The following WWTR1 variants were observed in gnomAD, a reference collection of about 807,000 sequenced individuals.
WWTR1 encodes the protein WW domain-containing transcription regulator protein 1.
WWTR1 carries 13 observed loss-of-function variants against 40.1 expected under a neutral mutation model. That is an observed-to-expected ratio of 0.32 (90% CI 0.21 to 0.52). The LOEUF is 0.52. Among genes scored for constraint, WWTR1 ranks in the 20% least tolerant of loss-of-function variants. The pLI is 0.97. For missense variants in WWTR1, 436 were observed against 523.1 expected, an observed-to-expected ratio of 0.83 and a Z score of 1.63; for synonymous variants, 230 against 210.1, an observed-to-expected ratio of 1.09 and a Z score of -0.82.
intron 1 of WWTR1, among the ~76,000 whole-genome samples, chr3:149,682,601 A>G (rs1714495682): frequency 6.6e-6 from 1 of 152,202 alleles, no homozygotes. Context: ...TCAACATACA[A>G]TATCGAATAG....
At chr3:149,542,974 C>G (rs1330348984) in intron 3 of WWTR1, among the ~76,000 whole-genome samples, 1 of 152,128 alleles carries the variant, frequency 6.6e-6, no homozygotes, top group Non-Finnish European at 1.5e-5. Context: ...ATCTTTGGTA[C>G]ACAAACCAGT....
chr3:149,524,418 A>T (rs1303607543), intron 6 of WWTR1, among the ~76,000 whole-genome samples: 1 of 146,016 alleles, frequency 6.8e-6, no homozygotes, highest in Non-Finnish European at 1.5e-5. Context: ...CTGGCTTCCC[A>T]GTGTTTAGAA....
chr3:149,668,588 A>G (rs1191439409), intron 2 of WWTR1, among the ~76,000 whole-genome samples: 3 of 111,948 alleles, frequency 2.7e-5, no homozygotes, highest in Non-Finnish European at 5.7e-5. Context: ...AGGCAGGGCA[A>G]CAGAGCAAGA....
chr3:149,657,522 T>G, intron 1 of WWTR1: 1 of 592,498 alleles, frequency 1.7e-6, no homozygotes, highest in Non-Finnish European at 2.9e-6. Flanking sequence ...TTATGCAACT[T>G]TCTTGAAGCA....
At chr3:149,635,519 G>C (rs1239996926) in intron 2 of WWTR1, among the ~76,000 whole-genome samples, 1 of 150,018 alleles carries the variant, frequency 6.7e-6, no homozygotes, top group Non-Finnish European at 1.5e-5. Flanking sequence ...GAAGAAGGAG[G>C]AGAAGGAGAA....
At chr3:149,576,747 G>A (rs1438795783) in intron 2 of WWTR1, among the ~76,000 whole-genome samples, 1 of 151,644 alleles carries the variant, frequency 6.6e-6, no homozygotes, top group Non-Finnish European at 1.5e-5. Context: ...CAGGCTCACT[G>A]GTAATTTTTT....
At position 149,518,399 on chromosome 3, in the gene WWTR1, T is replaced by A. The variant is rs1447105312; in HGVS notation, c.*2406A>T. The A allele has an allele frequency of 2.0e-5, 3 of 152,094 alleles. No homozygotes were observed. The highest frequency in any genetic ancestry group is 4.4e-5 in the Non-Finnish European group (3 of 68,004). The allele number at this position is 152,094 out of a possible 1,614,324, so 9.4% of individuals were successfully genotyped here. A position where few individuals can be genotyped will look rare whatever the true frequency, so the allele number is the denominator to read the frequency against. ...GAAAATGAGTCTATAAAAATATTTT[T>A]TAAAAATACAGTAACACTGCTGAGT... On this transcript the variant is annotated 3_prime_UTR_variant, in exon 7 of 7. Transcript: ENST00000360632.
chr3:149,671,515 T>C (rs1191167255), intron 1 of WWTR1, among the ~76,000 whole-genome samples: 2 of 152,170 alleles, frequency 1.3e-5, no homozygotes, highest in African/African-American at 4.8e-5. Context: ...CTTCACAAAA[T>C]TTTCAGTTGA....
At chr3:149,663,008 A>G (rs1157979461), upstream of WWTR1, among the ~76,000 whole-genome samples, 2 of 152,064 alleles carry the variant, frequency 1.3e-5, no homozygotes, top group Non-Finnish European at 2.9e-5. Flanking sequence ...TTCCACATGT[A>G]ATCAAACATA....
intron 2 of WWTR1, among the ~76,000 whole-genome samples, chr3:149,617,136 C>T (rs1164941530): frequency 6.6e-6 from 1 of 152,196 alleles, no homozygotes; most frequent in Non-Finnish European, 1.5e-5. Context: ...CGCTTTGGAA[C>T]AGATAGCTGA....
intron 3 of WWTR1, among the ~76,000 whole-genome samples, chr3:149,544,428 A>G (rs1000579320): frequency 1.3e-5 from 2 of 152,214 alleles, no homozygotes; most frequent in Non-Finnish European, 2.9e-5. Context: ...TTGGAAAAAT[A>G]GCTCCTGCCT....
intron 2 of WWTR1, among the ~76,000 whole-genome samples, chr3:149,591,846 G>A (rs1486297993): frequency 6.6e-6 from 1 of 152,162 alleles, no homozygotes; most frequent in Non-Finnish European, 1.5e-5. Flanking sequence ...GCGGGAAAAT[G>A]TACAAATGTT....
rs757219121 is a variant in WWTR1, at chr3:149,527,844, G to A, written c.897C>T (p.Phe299=). The change falls in exon 5 of 7, where the codon TTC becomes TTT. Residue 299 remains phenylalanine (F), a synonymous_variant. Coordinates refer to ENST00000360632, the MANE Select transcript of WWTR1 (RefSeq NM_015472.6). ...RSITNNSSDP[F]LNGGPYHSRE... ...CCCAAATATTAACTTACCCATTGAG[G>A]AAAGGATCTGAGCTATTATTAGTGA... The A allele has an allele frequency of 1.2e-6, 2 of 1,614,036 alleles. No homozygotes were observed. The highest frequency in any genetic ancestry group is 1.7e-6 in the Non-Finnish European group (2 of 1,180,010).
intron 2 of WWTR1, among the ~76,000 whole-genome samples, chr3:149,589,415 G>A (rs561544218): frequency 1.3e-4 from 20 of 152,120 alleles, no homozygotes; most frequent in African/African-American, 4.8e-4. Context: ...TAACCCCCAC[G>A]TTAATCATAT....
At chr3:149,523,919 T>C (rs1227545066) in intron 6 of WWTR1, among the ~76,000 whole-genome samples, 2 of 152,202 alleles carry the variant, frequency 1.3e-5, no homozygotes, top group East Asian at 3.8e-4. Context: ...CCAGGTTAAC[T>C]TGGCACTCAC....
At chr3:149,524,605 T>C (rs1735206249) in intron 6 of WWTR1, among the ~76,000 whole-genome samples, 1 of 152,304 alleles carries the variant, frequency 6.6e-6, no homozygotes, top group South Asian at 2.1e-4. Context: ...CAGTGCAAAC[T>C]ATTCCTGTGT....
At chr3:149,561,130 G>T (rs1737061694) in intron 3 of WWTR1, among the ~76,000 whole-genome samples, 1 of 152,130 alleles carries the variant, frequency 6.6e-6, no homozygotes, top group South Asian at 2.1e-4. Context: ...ATGTATGTGT[G>T]TGCAAGAAAA....
At chr3:149,650,058 G>A (rs2108147010) in intron 2 of WWTR1, 1 of 152,234 alleles carries the variant, frequency 6.6e-6, no homozygotes, top group South Asian at 2.1e-4. Flanking sequence ...CACCTTGGTG[G>A]AAATCTTGAT....
chr3:149,706,940 A>G (rs1402219999), upstream of WWTR1, among the ~76,000 whole-genome samples: 1 of 152,286 alleles, frequency 6.6e-6, no homozygotes, highest in East Asian at 1.9e-4. Context: ...CAAGACTTTT[A>G]TAAGTTGGTC....
Sources: gnomAD v4.1 joint callset for allele counts (sites outside exome capture counted in the v4.1 genomes callset) on GRCh38, gnomAD v4.1.1 for gene constraint, MANE v1.5 for transcripts, NCBI Gene and HGNC (gene_info 2026-07-23, HGNC 2026-07-21) for gene names.